EPHX4: variants seen among roughly 807,000 people sequenced by gnomAD.
EPHX4 encodes epoxide hydrolase 4.
In EPHX4, 31 loss-of-function variants were observed where a neutral mutation model predicts 44.9. The ratio of observed to expected loss-of-function variants is 0.69; its 90% confidence interval spans 0.52 to 0.93. EPHX4 has a LOEUF of 0.93. Among genes scored for constraint, EPHX4 ranks in the 40% least tolerant of loss-of-function variants. The pLI, the probability that EPHX4 is intolerant of heterozygous loss-of-function variation, is 0.00. For synonymous variants in EPHX4, 151 were observed against 159.7 expected (o/e 0.95, Z 0.41); for missense variants, 373 against 438.1 (o/e 0.85, Z 1.33).
Position 92,045,559 on chromosome 1 carries a change from A to G in EPHX4, c.503A>G (p.His168Arg). 4.3e-6 allele frequency: 7 copies of G among 1,614,030 alleles called. No homozygotes were observed. Among genetic ancestry groups the G allele is most frequent in the Non-Finnish European group, 5.9e-6 (7 of 1,179,986 alleles). The change falls in exon 4 of 7, where the codon CAT becomes CGT. Residue 168 changes from histidine to arginine, a missense_variant. Physicochemically the swap from His to Arg is conservative, Grantham distance 29. Coordinates refer to ENST00000370383, the MANE Select transcript of EPHX4 (RefSeq NM_173567.5). ...TATAGCAAATGTGTTCTTATTGGCC[A>G]TGACTGGGGGGGCATGATTGCTTGG... Reference protein sequence around the residue: ...LGYSKCVLIGHDWGGMIAWLI... With the variant: ...LGYSKCVLIGRDWGGMIAWLI...
chr1:92,063,025 A>T, intron 6 of EPHX4, 30 bp from the exon 7 acceptor site: 6 of 1,570,204 alleles, frequency 3.8e-6, no homozygotes, highest in Non-Finnish European at 5.2e-6. Context: ...TTGACAGTGA[A>T]TCTCAAGCCC....
chr1:92,033,440 A>C (rs1688389404), intron 2 of EPHX4, among the ~76,000 whole-genome samples: 2 of 152,194 alleles, frequency 1.3e-5, no homozygotes, highest in Admixed American at 6.5e-5. Context: ...GACAAAATAC[A>C]ACACTGGGTA....
intron 4 of EPHX4, among the ~76,000 whole-genome samples, chr1:92,046,876 A>ATGCC (rs1164915864): frequency 6.6e-6 from 1 of 152,130 alleles, no homozygotes; most frequent in African/African-American, 2.4e-5. Flanking sequence ...TCTTTTATCC[A>ATGCC]TGCCTGGTTT....
At position 92,042,869 on chromosome 1, in the gene EPHX4, G is replaced by C; in HGVS notation, c.364G>C (p.Val122Leu). 6.2e-7 allele frequency: 1 copy of C among 1,613,032 alleles called. No homozygotes were observed. The highest frequency in any genetic ancestry group is 8.5e-7 in the Non-Finnish European group (1 of 1,179,796). The change falls in exon 3 of 7, where the codon GTT (valine) becomes CTT (leucine). Residue 122 changes from valine (V) to leucine (L), a missense_variant. Coordinates refer to ENST00000370383, the MANE Select transcript of EPHX4 (RefSeq NM_173567.5). ...GAGAGAATTTAAAAGTGAATATCGA[G>C]TTGTAGCACTGGATTTGAGAGGTTA... ...QLREFKSEYR[V>L]VALDLRGYGE...
chr1:92,041,914 T>A (rs180843867), intron 2 of EPHX4, among the ~76,000 whole-genome samples: 1 of 152,148 alleles, frequency 6.6e-6, no homozygotes, highest in Non-Finnish European at 1.5e-5. Flanking sequence ...CCAGGTGTGG[T>A]GGCACATGCC....
At chr1:92,049,802 T>C (rs1647213961) in intron 4 of EPHX4, among the ~76,000 whole-genome samples, 1 of 152,142 alleles carries the variant, frequency 6.6e-6, no homozygotes, top group Non-Finnish European at 1.5e-5. Flanking sequence ...AACCTTTTTA[T>C]TTAAAGTGGT....
intron 2 of EPHX4, among the ~76,000 whole-genome samples, chr1:92,036,074 T>A (rs1688432899): frequency 6.6e-6 from 1 of 152,216 alleles, no homozygotes; most frequent in African/African-American, 2.4e-5. Context: ...TACCTTAATT[T>A]AACATTTTAA....
intron 4 of EPHX4, among the ~76,000 whole-genome samples, chr1:92,048,142 CTATGTAAATATA>C (rs1185108060): frequency 2.0e-5 from 3 of 152,108 alleles, no homozygotes; most frequent in African/African-American, 7.2e-5. Flanking sequence ...GGGACCATGA[CTATGTAAATATA>C]TAAGTCAATG....
intron 6 of EPHX4, among the ~76,000 whole-genome samples, chr1:92,062,814 T>A (rs1055384230): frequency 6.6e-6 from 1 of 151,882 alleles, no homozygotes; most frequent in Non-Finnish European, 1.5e-5. Flanking sequence ...CTTTTTAGAC[T>A]TTTTTTTCCC....
chr1:92,047,399 C>CA (rs572683255), intron 4 of EPHX4, among the ~76,000 whole-genome samples: 17,173 of 111,162 alleles, frequency 0.15, 1,024 homozygotes, highest in African/African-American at 0.18. Context: ...GACCCTGTCT[C>CA]AAAAAAAAAA....
intron 6 of EPHX4, among the ~76,000 whole-genome samples, chr1:92,059,804 A>T (rs576622256): frequency 1.4e-4 from 21 of 152,314 alleles, no homozygotes; most frequent in Admixed American, 1.2e-3. Context: ...ATTTATTCTA[A>T]GACATTAAAG....
At chr1:92,049,286 C>T (rs989205405) in intron 4 of EPHX4, among the ~76,000 whole-genome samples, 14 of 152,138 alleles carry the variant, frequency 9.2e-5, no homozygotes, top group Admixed American at 2.6e-4. Context: ...AGCTGACTCC[C>T]TGTAACCATT....
chr1:92,060,691 G>A (rs966037619), intron 6 of EPHX4, among the ~76,000 whole-genome samples: 6 of 151,890 alleles, frequency 4.0e-5, no homozygotes, highest in African/African-American at 1.4e-4. Context: ...GGCCAAAGTG[G>A]GTGGATCACA....
Position 92,042,966 on chromosome 1 carries a change from T to G in EPHX4, c.461T>G (p.Ile154Ser). The G allele has an allele frequency of 1.2e-6, 2 of 1,604,808 alleles. No homozygotes were observed. The highest frequency in any genetic ancestry group is 2.2e-5 in the East Asian group (1 of 44,718). ...TGTCTAATTACAGATATAAAGGATATTTTAGATTCTTTAGGTAGGTTAGTT... is the reference window on the plus strand; with the variant it reads ...TGTCTAATTACAGATATAAAGGATAGTTTAGATTCTTTAGGTAGGTTAGTT... ...LDCLITDIKD[I>S]LDSLGYSKCV... The change falls in exon 3 of 7, where the codon ATT (isoleucine) becomes AGT (serine). Residue 154 changes from isoleucine (I) to serine (S), a missense_variant. Ile to Ser is a moderately radical substitution (Grantham distance 142). Coordinates refer to ENST00000370383, the MANE Select transcript of EPHX4 (RefSeq NM_173567.5).
At chr1:92,046,173 C>A (rs1688578621) in intron 4 of EPHX4, among the ~76,000 whole-genome samples, 1 of 152,052 alleles carries the variant, frequency 6.6e-6, no homozygotes, top group African/African-American at 2.4e-5. Context: ...TATGTTAATT[C>A]ATCAAAAGAA....
At chr1:92,034,136 CAA>C (rs34520279) in intron 2 of EPHX4, among the ~76,000 whole-genome samples, 3 of 120,666 alleles carry the variant, frequency 2.5e-5, no homozygotes, top group Admixed American at 8.9e-5. Flanking sequence ...ACTAAAAATA[CAA>C]AAAAAAAAAA....
intron 2 of EPHX4, among the ~76,000 whole-genome samples, chr1:92,036,166 T>A (rs1688434360): frequency 6.6e-6 from 1 of 152,208 alleles, no homozygotes. Context: ...GCTATTTTCT[T>A]TCTCTACCTC....
At chr1:92,039,964 T>C (rs879302766) in intron 2 of EPHX4, among the ~76,000 whole-genome samples, 14 of 152,106 alleles carry the variant, frequency 9.2e-5, no homozygotes, top group Non-Finnish European at 1.6e-4. Context: ...AGAAGACATG[T>C]TTATTAGCAT....
chr1:92,054,963 G>A (rs1165326267), intron 6 of EPHX4, among the ~76,000 whole-genome samples: 1 of 152,102 alleles, frequency 6.6e-6, no homozygotes, highest in African/African-American at 2.4e-5. Flanking sequence ...AATTTTTATG[G>A]AGGATAGAAT....
Sources: gnomAD v4.1 joint callset for allele counts (sites outside exome capture counted in the v4.1 genomes callset) on GRCh38, gnomAD v4.1.1 for gene constraint, MANE v1.5 for transcripts, NCBI Gene and HGNC (gene_info 2026-07-23, HGNC 2026-07-21) for gene names.